The following LIFR variants were observed in gnomAD, a reference collection of about 807,000 sequenced individuals.
LIFR encodes leukemia inhibitory factor receptor.
LIFR carries 84 observed loss-of-function variants against 122.2 expected under a neutral mutation model. The observed-to-expected ratio is 0.69, with a 90% CI of 0.58 to 0.82. The LOEUF is 0.82. Ranked by LOEUF, LIFR falls within the 40% of genes least tolerant of loss-of-function variation. The pLI is 0.00. For synonymous variants in LIFR, 422 were observed against 434.7 expected, an observed-to-expected ratio of 0.97 and a Z score of 0.36; for missense variants, 1,294 against 1,311.6, an observed-to-expected ratio of 0.99 and a Z score of 0.21.
rs549320354 is a variant in LIFR, at chr5:38,545,594, GGCT to G, written c.-20+10737_-20+10739del. ...ATAACAATCCAGGGCAGGGCACGGT[GGCT>G]CACGCCTGTAATCCCAGCACTTTGG... On this transcript the variant is annotated intron_variant, in intron 1 of 19. Coordinates refer to ENST00000453190, the MANE Select transcript of LIFR (RefSeq NM_001127671.2). 1.0e-3 allele frequency among the ~76,000 whole-genome samples: 152 copies of G among 152,086 alleles called. 1 individual carries two copies. The highest frequency in any genetic ancestry group is 3.4e-3 in the African/African-American group (143 of 41,504).
At chr5:38,538,448 T>A (rs940601237) in intron 1 of LIFR, among the ~76,000 whole-genome samples, 36 of 152,330 alleles carry the variant, frequency 2.4e-4, no homozygotes, top group African/African-American at 7.2e-4. Flanking sequence ...TGACAAAATA[T>A]TCTGATGCTT....
At chr5:38,568,269 C>T (rs141195580) in intron 1 of LIFR, among the ~76,000 whole-genome samples, 17 of 152,228 alleles carry the variant, frequency 1.1e-4, no homozygotes, top group Middle Eastern at 3.4e-3. Context: ...ACAGGGGTTT[C>T]TATGCTAAAT....
intron 13 of LIFR, among the ~76,000 whole-genome samples, chr5:38,494,326 G>A (rs977737913): frequency 4.6e-5 from 7 of 152,182 alleles, no homozygotes; most frequent in African/African-American, 1.7e-4. Flanking sequence ...GGGTTGTCTG[G>A]CTGACCAGGG....
chr5:38,533,841 C>A (rs1227727650), intron 1 of LIFR, among the ~76,000 whole-genome samples: 1 of 152,178 alleles, frequency 6.6e-6, no homozygotes, highest in Non-Finnish European at 1.5e-5. Context: ...CCTCAGGCAA[C>A]ACCTGCACAG....
In LIFR at chr5:38,478,348, T is replaced by A. The variant is rs944693977; in HGVS notation, c.*3247A>T. 4.9e-6 allele frequency: 1 copy of A among 205,468 alleles called. No individual in the cohort carries two copies. The allele number at this position is 205,468 out of a possible 1,614,324, so 12.7% of individuals were successfully genotyped here. On this transcript the variant is annotated 3_prime_UTR_variant, in exon 20 of 20. Coordinates refer to ENST00000453190, the MANE Select transcript of LIFR (RefSeq NM_001127671.2). Reference sequence around the variant, plus strand: ...ATGCTGGTTTGGAAAATGAGGTTGATACTTCCTCTCTTAAGCTTCTCAGTG... The same window carrying A: ...ATGCTGGTTTGGAAAATGAGGTTGAAACTTCCTCTCTTAAGCTTCTCAGTG...
chr5:38,551,394 C>A (rs1748192477), intron 1 of LIFR, among the ~76,000 whole-genome samples: 1 of 152,324 alleles, frequency 6.6e-6, no homozygotes, highest in African/African-American at 2.4e-5. Context: ...TCGACAGGTA[C>A]AACAATTCTG....
intron 1 of LIFR, among the ~76,000 whole-genome samples, chr5:38,554,306 T>C (rs1001922602): frequency 4.6e-5 from 7 of 152,200 alleles, no homozygotes; most frequent in Admixed American, 2.0e-4. Context: ...TGAAGTTATA[T>C]AGAAGCAAAC....
intron 5 of LIFR, among the ~76,000 whole-genome samples, chr5:38,512,926 T>TA (rs201933558): frequency 0.053 from 8,028 of 152,212 alleles, 249 homozygotes; most frequent in Middle Eastern, 0.099. Context: ...GTTTTTTATA[T>TA]AAGTATTCTA....
chr5:38,584,526 T>A (rs774074916), intron 1 of LIFR, among the ~76,000 whole-genome samples: 1 of 151,976 alleles, frequency 6.6e-6, no homozygotes, highest in Non-Finnish European at 1.5e-5. Flanking sequence ...TGGAATATTA[T>A]TTAGCCTTAA....
At chr5:38,482,329 C>T in intron 19 of LIFR, 111 bp from the exon 20 acceptor site, 2 of 1,008,070 alleles carry the variant, frequency 2.0e-6, no homozygotes, top group Non-Finnish European at 2.8e-6. Context: ...ACAGGTGTCT[C>T]TACTACTCTG....
At chr5:38,575,721 G>C (rs896186896) in intron 1 of LIFR, among the ~76,000 whole-genome samples, 2 of 152,120 alleles carry the variant, frequency 1.3e-5, no homozygotes, top group African/African-American at 4.8e-5. Flanking sequence ...GTGCTGGACT[G>C]GTTTCCCACC....
intron 6 of LIFR, among the ~76,000 whole-genome samples, chr5:38,511,014 G>A (rs1408307452): frequency 1.3e-5 from 2 of 152,134 alleles, no homozygotes; most frequent in African/African-American, 2.4e-5. Flanking sequence ...TAAAGTTAAT[G>A]CCACAGGTTT....
chr5:38,547,240 T>C (rs921980461), intron 1 of LIFR, among the ~76,000 whole-genome samples: 1 of 152,210 alleles, frequency 6.6e-6, no homozygotes, highest in Admixed American at 6.5e-5. Flanking sequence ...TACATATCTA[T>C]ATGCACAACT....
chr5:38,522,643 T>C (rs1303313998), intron 5 of LIFR, among the ~76,000 whole-genome samples: 2 of 152,224 alleles, frequency 1.3e-5, no homozygotes, highest in African/African-American at 2.4e-5. Context: ...TTGTCCCATA[T>C]AGGCTAGGTG....
chr5:38,588,759 T>C (rs975871970), intron 1 of LIFR, among the ~76,000 whole-genome samples: 8 of 152,144 alleles, frequency 5.3e-5, no homozygotes, highest in African/African-American at 1.7e-4. Flanking sequence ...TGACCCCTAA[T>C]AGGATAAAAG....
Position 38,517,952 on chromosome 5 carries a change from AAAAC to A in LIFR, c.561+5463_561+5466del, listed in dbSNP as rs1213376646. ...AGACCCCATCTCTATGAAAAAAAAA[AAAAC>A]AAACAAAAAAAAACAGCTGGGCACA... On this transcript the variant is annotated intron_variant, in intron 5 of 19. Coordinates refer to ENST00000453190, the MANE Select transcript of LIFR (RefSeq NM_001127671.2). 4.6e-4 allele frequency among the ~76,000 whole-genome samples: 68 copies of A among 148,792 alleles called. 1 individual carries two copies. The highest frequency in any genetic ancestry group is 3.1e-4 in the Non-Finnish European group (21 of 67,658).
intron 1 of LIFR, among the ~76,000 whole-genome samples, chr5:38,591,646 C>T (rs567150414): frequency 6.6e-6 from 1 of 152,320 alleles, no homozygotes; most frequent in East Asian, 1.9e-4. Flanking sequence ...TCAGTTTAGC[C>T]ACCATGGTCA....
In LIFR at chr5:38,492,838, T is replaced by A. The variant is rs986242345; in HGVS notation, c.2065+768A>T. Among the ~76,000 whole-genome samples, 3 of 152,166 alleles carry A rather than the reference T, an allele frequency of 2.0e-5. No homozygotes were observed. In the South Asian group the frequency reaches 6.2e-4, roughly 32 times the overall value. On this transcript the variant is annotated intron_variant, in intron 14 of 19. Transcript: ENST00000453190. ...CAAGCTACAGGGTCCAGAAATCCCA[T>A]GGGGACAGGCAGGATACACTCCCAT...
intron 16 of LIFR, among the ~76,000 whole-genome samples, chr5:38,487,474 A>G (rs929223597): frequency 2.6e-5 from 4 of 152,122 alleles, no homozygotes; most frequent in African/African-American, 9.7e-5. Flanking sequence ...TTTCTTTCAC[A>G]TTAGCTGCTT....
Sources: allele counts gnomAD v4.1 joint callset (sites outside exome capture counted in the v4.1 genomes callset), GRCh38; gene constraint gnomAD v4.1.1; transcripts MANE v1.5; gene names NCBI Gene and HGNC (gene_info 2026-07-23, HGNC 2026-07-21).